Variants in TSHZ2 observed in about 807,000 individuals in gnomAD.
The protein encoded by TSHZ2 is teashirt zinc finger homeobox 2.
Under a neutral mutation model 74.4 loss-of-function variants are expected in TSHZ2, and 21 were observed. That is an observed-to-expected ratio of 0.28 (90% CI 0.20 to 0.41). The LOEUF is 0.41. TSHZ2 is among the 10% of genes least tolerant of loss of function. The pLI is 1.00. For synonymous variants in TSHZ2, 540 were observed against 515.3 expected (o/e 1.05, Z -0.65); for missense variants, 1,244 against 1,293.5 (o/e 0.96, Z 0.59).
intron 1 of TSHZ2, among the ~76,000 whole-genome samples, chr20:53,091,029 T>C (rs930579903): frequency 1.1e-4 from 16 of 152,184 alleles, no homozygotes; most frequent in African/African-American, 3.4e-4. Context: ...GGAGGATGGG[T>C]GAAACTCTGA....
chr20:53,410,403 C>T (rs190706399), intron 2 of TSHZ2, among the ~76,000 whole-genome samples: 98 of 152,178 alleles, frequency 6.4e-4, no homozygotes, highest in Non-Finnish European at 9.1e-4. Context: ...CAGAGCAAAT[C>T]AAGGCACCTG....
intron 1 of TSHZ2, among the ~76,000 whole-genome samples, chr20:53,137,169 C>T (rs986585436): frequency 6.6e-6 from 1 of 152,084 alleles, no homozygotes; most frequent in Non-Finnish European, 1.5e-5. Flanking sequence ...GATAGTAACA[C>T]TTCTGCAGCT....
intron 2 of TSHZ2, among the ~76,000 whole-genome samples, chr20:53,295,421 T>TGC (rs1229353935): frequency 2.1e-5 from 3 of 143,286 alleles, no homozygotes. Context: ...TATACGTGTG[T>TGC]GTGTGTGTGT....
In TSHZ2 at chr20:53,427,852, C is replaced by T. The variant is rs552321814; in HGVS notation, c.*9-59292C>T. Among the ~76,000 whole-genome samples, 464 of 152,216 alleles carry T rather than the reference C, an allele frequency of 3.0e-3. 4 individuals are homozygous for T. Among genetic ancestry groups the T allele is most frequent in the African/African-American group, 0.011 (451 of 41,528 alleles). Reference sequence around the variant, plus strand: ...AGCATGTTAAGAAAGGGATGGAAGGCCTAGAGCCCTCACCCAGCATTGATG... The same window carrying T: ...AGCATGTTAAGAAAGGGATGGAAGGTCTAGAGCCCTCACCCAGCATTGATG... On this transcript the variant is annotated intron_variant, in intron 2 of 2. Transcript: ENST00000371497.
intron 1 of TSHZ2, among the ~76,000 whole-genome samples, chr20:53,158,370 C>T (rs1283080876): frequency 6.6e-6 from 1 of 152,134 alleles, no homozygotes; most frequent in Admixed American, 6.5e-5. Flanking sequence ...GTTGACTGCA[C>T]ACCGGTGGAT....
chr20:53,292,604 T>A (rs1042049777), intron 2 of TSHZ2, among the ~76,000 whole-genome samples: 3 of 152,068 alleles, frequency 2.0e-5, no homozygotes, highest in Non-Finnish European at 4.4e-5. Context: ...TGCACCACCA[T>A]GGCCAGATTT....
At chr20:53,409,037 G>C (rs2145692946) in intron 2 of TSHZ2, among the ~76,000 whole-genome samples, 1 of 152,274 alleles carries the variant, frequency 6.6e-6, no homozygotes, top group South Asian at 2.1e-4. Flanking sequence ...TGCACTGTTT[G>C]ATCATCTGTA....
chr20:53,076,737 G>A (rs1329652565), intron 1 of TSHZ2, among the ~76,000 whole-genome samples: 1 of 152,200 alleles, frequency 6.6e-6, no homozygotes, highest in Non-Finnish European at 1.5e-5. Context: ...ACATGAGGCA[G>A]GAAGATGTTG....
intron 1 of TSHZ2, among the ~76,000 whole-genome samples, chr20:53,053,267 C>CTTTA (rs201217986): frequency 0.052 from 7,849 of 152,240 alleles, 277 homozygotes; most frequent in Non-Finnish European, 0.067. Context: ...ATATGCCACA[C>CTTTA]TTTATTTATT....
At chr20:53,180,612 G>A (rs1462556896) in intron 1 of TSHZ2, among the ~76,000 whole-genome samples, 1 of 152,076 alleles carries the variant, frequency 6.6e-6, no homozygotes, top group Non-Finnish European at 1.5e-5. Flanking sequence ...TGTAGGAGGG[G>A]CCACAACTGC....
At chr20:53,225,515 G>A (rs1220904009) in intron 1 of TSHZ2, among the ~76,000 whole-genome samples, 1 of 152,186 alleles carries the variant, frequency 6.6e-6, no homozygotes. Context: ...CTGGAAGAAG[G>A]GAATGTTCGT....
At chr20:53,127,798 G>A (rs1184961037) in intron 1 of TSHZ2, among the ~76,000 whole-genome samples, 2 of 152,180 alleles carry the variant, frequency 1.3e-5, no homozygotes, top group Non-Finnish European at 2.9e-5. Context: ...AGAGAGACAA[G>A]ATGACTTGCT....
intron 1 of TSHZ2, among the ~76,000 whole-genome samples, chr20:53,230,939 A>T (rs1251077079): frequency 6.6e-6 from 1 of 152,190 alleles, no homozygotes; most frequent in Non-Finnish European, 1.5e-5. Flanking sequence ...AGCCCTGAAG[A>T]TTAAAATTAA....
At chr20:52,992,555 C>G (rs1982032344) in intron 1 of TSHZ2, among the ~76,000 whole-genome samples, 1 of 152,106 alleles carries the variant, frequency 6.6e-6, no homozygotes, top group Non-Finnish European at 1.5e-5. Context: ...CAGGGCAGCC[C>G]TTCTGTTTAC....
In TSHZ2 at chr20:53,469,883, AAGAGAG is replaced by A. The variant is rs770397749; in HGVS notation, c.*9-17256_*9-17251del. Among the ~76,000 whole-genome samples, 46 of 129,436 alleles carry A rather than the reference AAGAGAG, an allele frequency of 3.6e-4. 8 individuals are homozygous for A. Among genetic ancestry groups the A allele is most frequent in the Middle Eastern group, 3.9e-3 (1 of 254 alleles). The allele number at this position is 129,436 out of a possible 152,430, so 84.9% of individuals were successfully genotyped here. A position where few individuals can be genotyped will look rare whatever the true frequency, so the allele number is the denominator to read the frequency against. On this transcript the variant is annotated intron_variant, in intron 2 of 2. Transcript: ENST00000371497. The stretch of plus-strand genomic sequence containing the variant: ...AAGGAAGGACCCAAGAAAGAAAAAA[AAGAGAG>A]AGAGGAAAGGAGGAAGGAAGGAAGG...
chr20:53,059,041 C>T (rs1003028207), intron 1 of TSHZ2, among the ~76,000 whole-genome samples: 6 of 152,156 alleles, frequency 3.9e-5, no homozygotes, highest in African/African-American at 1.4e-4. Context: ...TCAGAAGCTG[C>T]CACACAAGGA....
At chr20:53,377,410 C>A (rs1242183872) in intron 2 of TSHZ2, among the ~76,000 whole-genome samples, 1 of 152,230 alleles carries the variant, frequency 6.6e-6, no homozygotes, top group Non-Finnish European at 1.5e-5. Flanking sequence ...GGAAGCAAGA[C>A]TACTCCTTGG....
At chr20:53,343,401 G>T (rs1323027464) in intron 2 of TSHZ2, among the ~76,000 whole-genome samples, 1 of 152,158 alleles carries the variant, frequency 6.6e-6, no homozygotes, top group Non-Finnish European at 1.5e-5. Flanking sequence ...ACAAGGCAGT[G>T]GCCAGAATTC....
chr20:53,466,442 C>T (rs1325222688), intron 2 of TSHZ2, among the ~76,000 whole-genome samples: 1 of 152,132 alleles, frequency 6.6e-6, no homozygotes, highest in Non-Finnish European at 1.5e-5. Flanking sequence ...CAATAAATAA[C>T]ATTGGCTCTG....
Sources: gnomAD v4.1 joint callset for allele counts (sites outside exome capture counted in the v4.1 genomes callset) on GRCh38, gnomAD v4.1.1 for gene constraint, MANE v1.5 for transcripts, NCBI Gene and HGNC (gene_info 2026-07-23, HGNC 2026-07-21) for gene names.